Variants in NXPE4 observed in about 807,000 individuals in gnomAD.
The protein encoded by NXPE4 is NXPE family member 4.
NXPE4 carries 42 observed loss-of-function variants against 33.3 expected under a neutral mutation model. The ratio of observed to expected loss-of-function variants is 1.26; its 90% CI spans 0.98 to 1.63. The LOEUF is 1.63. Among genes scored for constraint, NXPE4 ranks in the 40% most tolerant of loss-of-function variants. The probability of loss-of-function intolerance (pLI) is 0.00; values close to 1 mark genes in which losing one functional copy is unlikely to be tolerated. For missense variants in NXPE4, 709 were observed against 647.6 expected, an observed-to-expected ratio of 1.09 and a Z score of -1.03; for synonymous variants, 253 against 234.9, an observed-to-expected ratio of 1.08 and a Z score of -0.71.
the NXPE4 span, among the ~76,000 whole-genome samples, chr11:114,605,664 A>C: frequency 2.7e-5 from 4 of 147,930 alleles, no homozygotes; most frequent in African/African-American, 1.0e-4. Flanking sequence ...TGGATAATAC[A>C]TGTTGCCTCA....
chr11:114,654,199 G>T, the NXPE4 span, among the ~76,000 whole-genome samples: 5 of 152,176 alleles, frequency 3.3e-5, no homozygotes, highest in Admixed American at 3.3e-4. Flanking sequence ...TCCAGAGTGA[G>T]ATGCCTGCCT....
intron 2 of NXPE4, among the ~76,000 whole-genome samples, chr11:114,590,394 C>T (rs1214610279): frequency 6.6e-6 from 1 of 152,170 alleles, no homozygotes; most frequent in Non-Finnish European, 1.5e-5. Flanking sequence ...TTCCCCCTCC[C>T]TAAAATCCTC....
chr11:114,626,232 C>A, the NXPE4 span, among the ~76,000 whole-genome samples: 2 of 152,188 alleles, frequency 1.3e-5, no homozygotes, highest in Non-Finnish European at 2.9e-5. Flanking sequence ...AGGGCACAGA[C>A]AAACAAAAAG....
At chr11:114,592,570 G>A (rs1055090119) in intron 2 of NXPE4, among the ~76,000 whole-genome samples, 2 of 151,518 alleles carry the variant, frequency 1.3e-5, no homozygotes, top group Non-Finnish European at 2.9e-5. Context: ...CATGTTAATG[G>A]GTTAGAAGAA....
At chr11:114,636,703 C>T in the NXPE4 span, among the ~76,000 whole-genome samples, 2 of 152,130 alleles carry the variant, frequency 1.3e-5, no homozygotes, top group Admixed American at 1.3e-4. Flanking sequence ...TTTATTTCTG[C>T]CTTCATTTCG....
At chr11:114,667,769 GC>G in the NXPE4 span, among the ~76,000 whole-genome samples, 17 of 152,170 alleles carry the variant, frequency 1.1e-4, no homozygotes, top group African/African-American at 3.9e-4. Flanking sequence ...AAATCTTCCA[GC>G]CCCAGTCAGG....
chr11:114,627,926 C>T, the NXPE4 span, among the ~76,000 whole-genome samples: 28 of 151,906 alleles, frequency 1.8e-4, 1 homozygote, highest in Admixed American at 1.4e-3. Flanking sequence ...ACAAAGAAGG[C>T]CATTATTTAA....
chr11:114,664,108 A>G, the NXPE4 span, among the ~76,000 whole-genome samples: 1 of 152,180 alleles, frequency 6.6e-6, no homozygotes, highest in African/African-American at 2.4e-5. Flanking sequence ...CAATTGCCAA[A>G]ACTGGAAAAT....
chr11:114,652,889 C>A, the NXPE4 span, among the ~76,000 whole-genome samples: 2 of 152,166 alleles, frequency 1.3e-5, no homozygotes, highest in African/African-American at 4.8e-5. Flanking sequence ...TGGTGCCAAT[C>A]ACTTTTTCAA....
At chr11:114,602,565 T>G in the NXPE4 span, among the ~76,000 whole-genome samples, 2 of 139,698 alleles carry the variant, frequency 1.4e-5, no homozygotes, top group East Asian at 4.2e-4. Flanking sequence ...ATTATATCAT[T>G]TATAATAATT....
At chr11:114,611,228 G>C in the NXPE4 span, among the ~76,000 whole-genome samples, 1 of 151,254 alleles carries the variant, frequency 6.6e-6, no homozygotes, top group Non-Finnish European at 1.5e-5. Context: ...GGTAACCACT[G>C]TTATCCAGTC....
upstream of NXPE4, among the ~76,000 whole-genome samples, chr11:114,596,126 T>C (rs1439101409): frequency 2.0e-5 from 3 of 152,176 alleles, no homozygotes; most frequent in African/African-American, 7.2e-5. Flanking sequence ...CAAGACCCAG[T>C]TGGCAGGATT....
At chr11:114,677,591 A>G in the NXPE4 span, among the ~76,000 whole-genome samples, 1 of 152,008 alleles carries the variant, frequency 6.6e-6, no homozygotes, top group South Asian at 2.1e-4. Flanking sequence ...CTCTGTGCCA[A>G]TCTCCAATAT....
chr11:114,610,283 G>T, the NXPE4 span, among the ~76,000 whole-genome samples: 1 of 151,078 alleles, frequency 6.6e-6, no homozygotes, highest in South Asian at 2.1e-4. Flanking sequence ...CTACCCGGTG[G>T]ATAATAAGTG....
At chr11:114,583,104 G>T in intron 2 of NXPE4, 83 bp from the exon 3 acceptor site, 1 of 1,378,536 alleles carries the variant, frequency 7.3e-7, no homozygotes, top group Non-Finnish European at 9.8e-7. Flanking sequence ...AACATGCTAT[G>T]AAATTAACAT....
At chr11:114,597,051 G>A (rs999903722), upstream of NXPE4, among the ~76,000 whole-genome samples, 2 of 152,264 alleles carry the variant, frequency 1.3e-5, no homozygotes, top group Non-Finnish European at 1.5e-5. Context: ...TGAAAACTAG[G>A]AAGTTGGAAA....
chr11:114,674,622 C>T, the NXPE4 span, among the ~76,000 whole-genome samples: 2,967 of 151,054 alleles, frequency 0.02, 48 homozygotes, highest in Non-Finnish European at 0.033. Flanking sequence ...AGAGAAAGAA[C>T]GACACAAAGT....
chr11:114,581,800 A>T lies in NXPE4; in HGVS notation c.831-14T>A. ...CCCACATTTGACCTTAAAGACACAA[A>T]TACAGAAATTAATCTGTAGGTGGCC... On this transcript the variant is annotated splice_polypyrimidine_tract_variant and intron_variant, in intron 3 of 5. Transcript: ENST00000375478. The T allele has an allele frequency of 6.3e-7, 1 of 1,584,198 alleles. No individual in the cohort carries two copies. Among genetic ancestry groups the T allele is most frequent in the Non-Finnish European group, 8.6e-7 (1 of 1,157,856 alleles).
chr11:114,622,627 GATA>G, the NXPE4 span, among the ~76,000 whole-genome samples: 189 of 151,538 alleles, frequency 1.2e-3, no homozygotes, highest in African/African-American at 4.3e-3. Context: ...TTACCCAGTG[GATA>G]ATAAGTGTTG....
Sources: allele counts gnomAD v4.1 joint callset (sites outside exome capture counted in the v4.1 genomes callset), GRCh38; gene constraint gnomAD v4.1.1; transcripts MANE v1.5; gene names NCBI Gene and HGNC (gene_info 2026-07-23, HGNC 2026-07-21).